Variants in SGPP1 observed in about 807,000 individuals in gnomAD.
SGPP1 encodes the protein sphingosine-1-phosphate phosphatase 1, also known as hSPP1.
In SGPP1, 21 loss-of-function variants were observed where a neutral mutation model predicts 33.0. The observed-to-expected ratio is 0.64, with a 90% CI of 0.45 to 0.92. SGPP1 has a LOEUF of 0.92. Among genes scored for constraint, SGPP1 ranks in the 40% least tolerant of loss-of-function variants. The pLI is 0.00. For missense variants in SGPP1, 543 were observed against 589.4 expected, an observed-to-expected ratio of 0.92 and a Z score of 0.81; for synonymous variants, 239 against 241.2, an observed-to-expected ratio of 0.99 and a Z score of 0.08.
Position 63,727,976 on chromosome 14 carries a change from C to G in SGPP1, c.-32G>C. ...GGAACCCCCGGGAAGGCGGGCCGGC[C>G]TCCGGCGCAGCCCCGAACTGTCCCC... On this transcript the variant is annotated 5_prime_UTR_variant, in exon 1 of 3. Transcript: ENST00000247225. 3 of 1,525,542 alleles carry G rather than the reference C, an allele frequency of 2.0e-6. No homozygotes were observed. The highest frequency in any genetic ancestry group is 2.6e-6 in the Non-Finnish European group (3 of 1,145,134). The allele number at this position is 1,525,542 out of a possible 1,614,324, so 94.5% of individuals were successfully genotyped here.
chr14:63,721,555 A>C (rs1293744932), intron 1 of SGPP1, among the ~76,000 whole-genome samples: 1 of 152,196 alleles, frequency 6.6e-6, no homozygotes, highest in Admixed American at 6.5e-5. Context: ...TCAATTTTTT[A>C]ATAAACTGTG....
Position 63,686,305 on chromosome 14 carries a change from C to A in SGPP1, c.1126G>T (p.Val376Leu). Reference protein sequence around the residue: ...ILRILIGMVFVLIIRDVMKKI... With the variant: ...ILRILIGMVFLLIIRDVMKKI... ...TTCATTACATCTCTGATTATTAGTA[C>A]AAATACCATCCCTATGAGGATCCGC... The change falls in exon 3 of 3, where the codon GTA becomes TTA. Residue 376 changes from valine (V) to leucine (L), a missense_variant. Transcript: ENST00000247225. 2 of 1,613,972 alleles carry A rather than the reference C, an allele frequency of 1.2e-6. No individual in the cohort carries two copies. The highest frequency in any genetic ancestry group is 1.7e-6 in the Non-Finnish European group (2 of 1,179,952).
chr14:63,688,710 ATTTCTTTTTTT>A (rs936828459), intron 2 of SGPP1, among the ~76,000 whole-genome samples: 5 of 144,490 alleles, frequency 3.5e-5, no homozygotes, highest in African/African-American at 1.0e-4. Flanking sequence ...AACAACCGTC[ATTTCTTTTTTT>A]TTTCTTTTTT....
chr14:63,693,486 A>G lies in SGPP1; in HGVS notation c.774+5083T>C, dbSNP rs371140876. Among the ~76,000 whole-genome samples the G allele has an allele frequency of 3.3e-3, 502 of 152,386 alleles. 1 individual carries two copies. Among genetic ancestry groups the G allele is most frequent in the African/African-American group, 0.012 (483 of 41,596 alleles). On this transcript the variant is annotated intron_variant, in intron 2 of 2. Coordinates refer to ENST00000247225, the MANE Select transcript of SGPP1 (RefSeq NM_030791.4). ...TCTAAACTTTGTACTTTTCACATAG[A>G]ATTTATATCAAGTCAGATGTTTCAG... is the stretch of plus-strand genomic sequence containing the variant.
intron 2 of SGPP1, among the ~76,000 whole-genome samples, chr14:63,691,684 G>A (rs549250195): frequency 6.6e-6 from 1 of 152,290 alleles, no homozygotes; most frequent in East Asian, 1.9e-4. Context: ...CAGAGATTAT[G>A]ATTGAACTGA....
At chr14:63,710,252 C>T (rs986756381) in intron 1 of SGPP1, among the ~76,000 whole-genome samples, 1 of 152,056 alleles carries the variant, frequency 6.6e-6, no homozygotes, top group African/African-American at 2.4e-5. Flanking sequence ...TATATATTGA[C>T]CCAGCAATGC....
chr14:63,717,546 T>A (rs544179732), intron 1 of SGPP1, among the ~76,000 whole-genome samples: 46 of 151,960 alleles, frequency 3.0e-4, no homozygotes, highest in African/African-American at 1.1e-3. Flanking sequence ...ATGGTCTCAA[T>A]CTCCTGACCT....
rs576951069 is a variant in SGPP1, at chr14:63,696,702, A to C, written c.774+1867T>G. Among the ~76,000 whole-genome samples the C allele has an allele frequency of 1.4e-4, 22 of 152,286 alleles. No individual in the cohort carries two copies. In the South Asian group the frequency reaches 2.5e-3, roughly 17 times the overall value. On this transcript the variant is annotated intron_variant, in intron 2 of 2. Transcript: ENST00000247225. ...TAATTTGTTTATTAAAATAGTGTTT[A>C]GGGCTGGGCGCAGTGGCTCACATCT...
At chr14:63,726,188 C>T (rs1885875031) in intron 1 of SGPP1, among the ~76,000 whole-genome samples, 1 of 152,072 alleles carries the variant, frequency 6.6e-6, no homozygotes, top group African/African-American at 2.4e-5. Context: ...GTAAGCTTAT[C>T]ATAATGGAGT....
At chr14:63,720,774 C>CA (rs1258048103) in intron 1 of SGPP1, among the ~76,000 whole-genome samples, 8 of 151,768 alleles carry the variant, frequency 5.3e-5, no homozygotes, top group African/African-American at 1.5e-4. Context: ...TCAAAACAAA[C>CA]AAACAACTAT....
At chr14:63,716,185 A>T (rs897754969) in intron 1 of SGPP1, among the ~76,000 whole-genome samples, 1 of 152,160 alleles carries the variant, frequency 6.6e-6, no homozygotes, top group Admixed American at 6.6e-5. Flanking sequence ...TAGAAGATAA[A>T]TACCTTAAGA....
intron 1 of SGPP1, among the ~76,000 whole-genome samples, chr14:63,709,177 C>G (rs547515651): frequency 7.9e-5 from 12 of 152,186 alleles, no homozygotes; most frequent in East Asian, 7.7e-4. Context: ...GAGTTCGTGA[C>G]GAGCTTGGCC....
chr14:63,711,804 C>A (rs917654178), intron 1 of SGPP1, among the ~76,000 whole-genome samples: 3 of 152,062 alleles, frequency 2.0e-5, no homozygotes, highest in Non-Finnish European at 2.9e-5. Context: ...CCAAGGTGGG[C>A]AGATCACTTG....
intron 1 of SGPP1, among the ~76,000 whole-genome samples, chr14:63,723,549 T>C (rs1330903675): frequency 6.6e-6 from 1 of 151,910 alleles, no homozygotes; most frequent in Non-Finnish European, 1.5e-5. Flanking sequence ...TGAAACCCCG[T>C]CTCTACTAAA....
In SGPP1 at chr14:63,727,648, C is replaced by T. The variant is rs779381950; in HGVS notation, c.297G>A (p.Pro99=). The part of the protein sequence containing the change: ...VRNGLAAELG[P]ASPRRAGALR... Reference sequence around the variant, plus strand: ...GAGCGCCCGCGCGCCGCGGCGAGGCCGGGCCCAGCTCGGCCGCCAGCCCGT... The same window carrying T: ...GAGCGCCCGCGCGCCGCGGCGAGGCTGGGCCCAGCTCGGCCGCCAGCCCGT... The change falls in exon 1 of 3, where the codon CCG becomes CCA. Residue 99 remains proline (P), a synonymous_variant. Transcript: ENST00000247225. The T allele has an allele frequency of 2.9e-6, 4 of 1,362,328 alleles. No individual in the cohort carries two copies. The Admixed American group carries it at 1.6e-4, about 53-fold the overall frequency. 84.4% of individuals were successfully genotyped at this position (1,362,328 alleles called of 1,614,324 possible).
intron 1 of SGPP1, among the ~76,000 whole-genome samples, chr14:63,701,918 C>CAA (rs549492142): frequency 0.056 from 3,013 of 53,958 alleles, 160 homozygotes; most frequent in African/African-American, 0.13. Flanking sequence ...CTGTTGACAG[C>CAA]AAAAAAAAAA....
chr14:63,706,180 A>T (rs1395115130), intron 1 of SGPP1, among the ~76,000 whole-genome samples: 1 of 152,244 alleles, frequency 6.6e-6, no homozygotes, highest in African/African-American at 2.4e-5. Context: ...CAGACACCCA[A>T]GGTCACATAT....
At chr14:63,714,116 G>A (rs1221670389) in intron 1 of SGPP1, among the ~76,000 whole-genome samples, 1 of 152,206 alleles carries the variant, frequency 6.6e-6, no homozygotes, top group Non-Finnish European at 1.5e-5. Context: ...AGATCCTGAG[G>A]CTTTCAGCCT....
At chr14:63,705,004 G>A (rs1287157836) in intron 1 of SGPP1, among the ~76,000 whole-genome samples, 1 of 151,940 alleles carries the variant, frequency 6.6e-6, no homozygotes, top group Non-Finnish European at 1.5e-5. Flanking sequence ...ATGTGTGCCT[G>A]TAGTCCCAGC....
Sources: gnomAD v4.1 joint callset for allele counts (sites outside exome capture counted in the v4.1 genomes callset) on GRCh38, gnomAD v4.1.1 for gene constraint, MANE v1.5 for transcripts, NCBI Gene and HGNC (gene_info 2026-07-23, HGNC 2026-07-21) for gene names.